The following IFT140 variants were observed in gnomAD, a reference collection of about 807,000 sequenced individuals.
IFT140 encodes intraflagellar transport protein 140 homolog.
In IFT140, 133 loss-of-function variants were observed where a neutral mutation model predicts 164.6. That is an observed-to-expected ratio of 0.81 (90% CI 0.70 to 0.93). The LOEUF is 0.93. Ranked by LOEUF, IFT140 falls within the 40% of genes least tolerant of loss-of-function variation. The pLI is 0.00. For synonymous variants in IFT140, 860 were observed against 817.3 expected, an observed-to-expected ratio of 1.05 and a Z score of -0.89; for missense variants, 2,045 against 1,972.3, an observed-to-expected ratio of 1.04 and a Z score of -0.70.
chr16:1,591,682 C>A (rs1028976143), intron 6 of IFT140, among the ~76,000 whole-genome samples: 5 of 152,168 alleles, frequency 3.3e-5, no homozygotes, highest in African/African-American at 1.2e-4. Flanking sequence ...GAAGAACGGG[C>A]TGAACACCAG....
In IFT140 at chr16:1,562,140, T is replaced by G. The variant is rs779605782; in HGVS notation, c.2068-24A>C. The G allele has an allele frequency of 2.6e-6, 4 of 1,546,310 alleles. No individual in the cohort carries two copies. The East Asian group carries it at 9.2e-5, about 36-fold the overall frequency. ...GCCTGGGAGAGAAAGAAAAGTACTGTTCTGTTTTTTTTTTTAACTTACATA... is the reference window on the plus strand; with the variant it reads ...GCCTGGGAGAGAAAGAAAAGTACTGGTCTGTTTTTTTTTTTAACTTACATA... On this transcript the variant is annotated intron_variant, in intron 17 of 30. Transcript: ENST00000426508.
chr16:1,610,173 C>G (rs1481498307), intron 2 of IFT140: 2 of 154,972 alleles, frequency 1.3e-5, no homozygotes, highest in Non-Finnish European at 1.5e-5. Flanking sequence ...TACAAAGCCT[C>G]GCCCTCCAGG....
At chr16:1,554,971 T>C (rs765775512) in intron 19 of IFT140, 2 of 1,613,916 alleles carry the variant, frequency 1.2e-6, no homozygotes, top group Non-Finnish European at 1.7e-6. Flanking sequence ...AGCCGCTCCC[T>C]GACAGCGCGC....
chr16:1,536,350 G>T (rs532696942), intron 19 of IFT140, among the ~76,000 whole-genome samples: 85 of 152,320 alleles, frequency 5.6e-4, no homozygotes, highest in African/African-American at 1.9e-3. Context: ...AGGCCAGCAG[G>T]ACACACGAGG....
At chr16:1,520,075 G>A (rs370993439) in intron 28 of IFT140, 28 bp from the exon 29 acceptor site, 2 of 1,607,942 alleles carry the variant, frequency 1.2e-6, no homozygotes, top group South Asian at 1.1e-5. Context: ...GTCAAGACCT[G>A]CCGGGCTCCA....
rs563021775 is a variant in IFT140 at position 1,590,614 on chromosome 16, C to T, written c.635-834G>A. 7.6e-4 allele frequency among the ~76,000 whole-genome samples: 116 copies of T among 152,258 alleles called. 1 individual carries two copies. The South Asian group carries it at 0.016, about 22-fold the overall frequency. ...CTTCCTGCCCTGCCTGAGCCTGCTC[C>T]GGTGCTGGCCAGCCACTCTGTCTGC... On this transcript the variant is annotated intron_variant, in intron 6 of 30. Transcript: ENST00000426508.
chr16:1,584,540 C>G, intron 10 of IFT140, 120 bp from the exon 11 acceptor site: 1 of 765,204 alleles, frequency 1.3e-6, no homozygotes, highest in African/African-American at 1.7e-5. Context: ...ACCATTGTTC[C>G]GGACTTAAAA....
chr16:1,542,825 T>C (rs1201422457), intron 19 of IFT140, among the ~76,000 whole-genome samples: 2 of 152,242 alleles, frequency 1.3e-5, no homozygotes, highest in Non-Finnish European at 2.9e-5. Context: ...CGAGGGGCCA[T>C]TGGTGCTCAG....
intron 1 of IFT140, among the ~76,000 whole-genome samples, chr16:1,611,501 A>AAAAAG (rs1322896898): frequency 6.7e-6 from 1 of 149,270 alleles, no homozygotes; most frequent in Non-Finnish European, 1.5e-5. Context: ...AAAAAAAAAA[A>AAAAAG]AAAAGAAAAG....
intron 2 of IFT140, among the ~76,000 whole-genome samples, chr16:1,608,909 A>G (rs931242850): frequency 2.6e-5 from 4 of 152,012 alleles, no homozygotes; most frequent in Admixed American, 1.3e-4. Context: ...TAATCCCAGC[A>G]CTTTGGGAGG....
At chr16:1,589,149 A>T (rs1171176019) in intron 7 of IFT140, among the ~76,000 whole-genome samples, 2 of 152,232 alleles carry the variant, frequency 1.3e-5, no homozygotes, top group Admixed American at 1.3e-4. Flanking sequence ...ACTGAGAAAA[A>T]ATCAGCTCTG....
At chr16:1,544,347 C>A (rs1391976581) in intron 19 of IFT140, among the ~76,000 whole-genome samples, 2 of 151,134 alleles carry the variant, frequency 1.3e-5, no homozygotes, top group East Asian at 3.9e-4. Context: ...CCATGCCCGG[C>A]TAATTTTTTT....
At chr16:1,559,464 C>A (rs2033287727) in intron 18 of IFT140, among the ~76,000 whole-genome samples, 1 of 152,162 alleles carries the variant, frequency 6.6e-6, no homozygotes, top group African/African-American at 2.4e-5. Context: ...CACCCTCATA[C>A]CTCGGAGAAA....
chr16:1,526,616 C>T lies in IFT140; in HGVS notation c.2577+3G>A, dbSNP rs751999410. The T allele has an allele frequency of 1.9e-6, 3 of 1,542,884 alleles. No individual in the cohort carries two copies. The highest frequency in any genetic ancestry group is 2.4e-5 in the East Asian group (1 of 42,230). ...CACCCACCCCATGGCGGGCGCCCCT[C>T]ACCAGCATGCCCAGCTGCGTGGCCA... On this transcript the variant is annotated splice_donor_region_variant and intron_variant, in intron 20 of 30. Transcript: ENST00000426508.
intron 19 of IFT140, among the ~76,000 whole-genome samples, chr16:1,527,419 G>C (rs1473599791): frequency 1.3e-5 from 2 of 152,202 alleles, no homozygotes; most frequent in Non-Finnish European, 2.9e-5. Context: ...CAGACGGGCT[G>C]ACCAGTGGGT....
intron 7 of IFT140, among the ~76,000 whole-genome samples, chr16:1,589,383 C>T (rs989010111): frequency 2.6e-5 from 4 of 152,216 alleles, no homozygotes; most frequent in African/African-American, 4.8e-5. Flanking sequence ...GCCTCACATC[C>T]ACCCAAAGAT....
At chr16:1,560,301 C>A (rs759311193) in intron 18 of IFT140, among the ~76,000 whole-genome samples, 2 of 152,236 alleles carry the variant, frequency 1.3e-5, no homozygotes, top group Non-Finnish European at 2.9e-5. Flanking sequence ...TAAACCAGCA[C>A]CACGCCGGCC....
intron 24 of IFT140, 61 bp from the exon 25 acceptor site, chr16:1,524,017 A>G (rs2141167154): frequency 6.3e-7 from 1 of 1,579,848 alleles, no homozygotes; most frequent in Admixed American, 1.8e-5. Context: ...GTCCGCTGAG[A>G]TTCTGGAATG....
intron 13 of IFT140, among the ~76,000 whole-genome samples, chr16:1,574,841 C>A (rs1219266766): frequency 1.3e-5 from 2 of 152,204 alleles, no homozygotes; most frequent in South Asian, 4.1e-4. Flanking sequence ...CCCCAAAGTT[C>A]TGGCCTAGGA....
Sources: allele counts gnomAD v4.1 joint callset (sites outside exome capture counted in the v4.1 genomes callset), GRCh38; gene constraint gnomAD v4.1.1; transcripts MANE v1.5; gene names NCBI Gene and HGNC (gene_info 2026-07-23, HGNC 2026-07-21).